ACAP3: variants seen among roughly 807,000 people sequenced by gnomAD.
The protein encoded by ACAP3 is arf-GAP with coiled-coil, ANK repeat and PH domain-containing protein 3.
A neutral mutation model predicts 104.1 loss-of-function variants in ACAP3; 56 were observed. The observed-to-expected ratio is 0.54, with a 90% CI of 0.43 to 0.67. ACAP3 has a LOEUF of 0.67. Ranked by LOEUF, ACAP3 falls within the 30% of genes least tolerant of loss-of-function variation. The probability of loss-of-function intolerance (pLI) is 0.00; values close to 1 mark genes in which losing one functional copy is unlikely to be tolerated. For synonymous variants in ACAP3, 628 were observed against 496.2 expected, an observed-to-expected ratio of 1.27 and a Z score of -3.53; for missense variants, 1,208 against 1,174.9, an observed-to-expected ratio of 1.03 and a Z score of -0.41.
At chr1:1,298,254 C>A (rs950993389) in intron 12 of ACAP3, 116 bp downstream of exon 12, 1 of 1,579,940 alleles carries the variant, frequency 6.3e-7, no homozygotes, top group African/African-American at 1.3e-5. Flanking sequence ...CTGACTGTTC[C>A]GGCTCCGGCG....
chr1:1,295,817 G>C lies in ACAP3; in HGVS notation c.1624C>G (p.His542Asp), dbSNP rs1216759327. 1.2e-6 allele frequency: 2 copies of C among 1,610,592 alleles called. No individual in the cohort carries two copies. The highest frequency in any genetic ancestry group is 1.7e-6 in the Non-Finnish European group (2 of 1,179,894). The part of the protein sequence containing the change: ...RWRVQKCLRP[H>D]SSPRAPTARR... Reference sequence around the variant, plus strand: ...GCAGTGGGAGCGCGGGGAGAGCTGTGGGGCCGCAGGCACTTCTGCACCCTC... The same window carrying C: ...GCAGTGGGAGCGCGGGGAGAGCTGTCGGGCCGCAGGCACTTCTGCACCCTC... The change falls in exon 18 of 24, where the codon CAC (histidine) becomes GAC (aspartate). Residue 542 changes from histidine to aspartate, a missense_variant. His to Asp is a moderately conservative substitution (Grantham distance 81). Coordinates refer to ENST00000354700, the MANE Select transcript of ACAP3 (RefSeq NM_030649.3).
chr1:1,307,243 AC>A lies in ACAP3; in HGVS notation c.47+525del, dbSNP rs369410185. ...CAGACTCGGTGTGCACACAACCCCTACCCCCTACCTGACCTTCCCCGCCGCT... is the reference window on the plus strand; with the variant it reads ...CAGACTCGGTGTGCACACAACCCCTACCCCTACCTGACCTTCCCCGCCGCT... On this transcript the variant is annotated intron_variant, in intron 1 of 23. Coordinates refer to ENST00000354700, the MANE Select transcript of ACAP3 (RefSeq NM_030649.3). 3.4e-4 allele frequency: 435 copies of A among 1,278,346 alleles called. 6 individuals are homozygous for A. The East Asian group carries it at 0.021, about 62-fold the overall frequency. 79.2% of individuals were successfully genotyped at this position (1,278,346 alleles called of 1,614,324 possible).
rs367679762 is a variant in ACAP3, at chr1:1,303,418, G to T, written c.106-137C>A. The T allele has an allele frequency of 1.3e-4, 170 of 1,278,978 alleles. 1 individual carries two copies. Among genetic ancestry groups the T allele is most frequent in the South Asian group, 1.0e-3 (67 of 66,762 alleles). The allele number at this position is 1,278,978 out of a possible 1,614,324, so 79.2% of individuals were successfully genotyped here. A position where few individuals can be genotyped will look rare whatever the true frequency, so the allele number is the denominator to read the frequency against. ...GTTGGCACTCAGGACTCAGTGCCCC[G>T]GTGCAGCTTCCTCACGCCTGGGCCT... is the stretch of plus-strand genomic sequence containing the variant. On this transcript the variant is annotated intron_variant, in intron 2 of 23. Transcript: ENST00000354700. This position sits in a 1 kb window ranked among gnomAD's most constrained non-coding sequence, Gnocchi z 4.0.
intron 1 of ACAP3, chr1:1,307,327 A>G (rs2274262): frequency 0.85 from 1,090,293 of 1,289,368 alleles, 481,714 homozygotes; most frequent in Non-Finnish European, 0.92. Flanking sequence ...CACGTTTCCA[A>G]GCACCCTACC....
intron 10 of ACAP3, chr1:1,298,988 G>C: frequency 1.8e-6 from 1 of 554,268 alleles, no homozygotes; most frequent in Non-Finnish European, 3.2e-6. Flanking sequence ...CCCACCCTCC[G>C]CATCCTGAGT....
chr1:1,299,801 G>A lies in ACAP3; in HGVS notation c.738+30C>T, dbSNP rs753055191. The A allele has an allele frequency of 5.2e-6, 8 of 1,536,604 alleles. No individual in the cohort carries two copies. The South Asian group carries it at 9.6e-5, about 18-fold the overall frequency. On this transcript the variant is annotated intron_variant, in intron 9 of 23. Transcript: ENST00000354700. The stretch of plus-strand genomic sequence containing the variant: ...GACGCAGGGGCCTCCCAGGCGCCTG[G>A]TGTGCAGGGAGCCGGCTGCGCGGCC...
Position 1,294,725 on chromosome 1 carries a change from A to G in ACAP3, c.1905T>C (p.Thr635=). 1.3e-6 allele frequency: 2 copies of G among 1,549,498 alleles called. No homozygotes were observed. The highest frequency in any genetic ancestry group is 1.7e-6 in the Non-Finnish European group (2 of 1,146,590). ...GGGCAAGACGCCACCCACCCTCCTC[A>G]GTGACGCTGTCCACCACAGAGCCCG... ...FGSGSVVDSV[T]EEEGAESEES... Residue 635 remains threonine, a synonymous_variant, in exon 20 of 24, where the codon ACT becomes ACC. Transcript: ENST00000354700.
rs535943865 is a variant in ACAP3, at chr1:1,298,260, C to T, written c.915+110G>A. On this transcript the variant is annotated intron_variant, in intron 12 of 23. Coordinates refer to ENST00000354700, the MANE Select transcript of ACAP3 (RefSeq NM_030649.3). ...CTCTGCTCCCTGACTGTTCCGGCTC[C>T]GGCGTCCACTAGTGCCCCGGCCCTG... 4.5e-5 allele frequency: 72 copies of T among 1,582,746 alleles called. 1 individual carries two copies. In the South Asian group the frequency reaches 5.1e-4, roughly 11 times the overall value.
Position 1,296,741 on chromosome 1 carries a change from G to A in ACAP3, c.1129-108C>T, listed in dbSNP as rs1026311576. The A allele has an allele frequency of 1.8e-5, 22 of 1,210,518 alleles. No individual in the cohort carries two copies. In the East Asian group the frequency reaches 3.6e-4, roughly 20 times the overall value. The allele number at this position is 1,210,518 out of a possible 1,614,324, so 75.0% of individuals were successfully genotyped here. On this transcript the variant is annotated intron_variant, in intron 14 of 23. Coordinates refer to ENST00000354700, the MANE Select transcript of ACAP3 (RefSeq NM_030649.3). ...GAGCCAATGCAGGCCAGGGCCCCTC[G>A]AGCACACGCCCGCACACGCACGTAC... is the stretch of plus-strand genomic sequence containing the variant.
Position 1,303,774 on chromosome 1 carries a change from G to A in ACAP3, c.105+312C>T. On this transcript the variant is annotated intron_variant, in intron 2 of 23. Transcript: ENST00000354700. The surrounding 1 kb of genome is among the most constrained non-coding windows in gnomAD (Gnocchi z 4.0). ...CAGCCCCAGCCCCAGCCACACCAAG[G>A]CTCAGCCCACACAGCAGCTGTCCCC... 2.0e-6 allele frequency: 1 copy of A among 502,868 alleles called. No homozygotes were observed. Among genetic ancestry groups the A allele is most frequent in the Non-Finnish European group, 3.6e-6 (1 of 279,412 alleles). 31.2% of individuals were successfully genotyped at this position (502,868 alleles called of 1,614,324 possible). A position where few individuals can be genotyped will look rare whatever the true frequency, so the allele number is the denominator to read the frequency against.
rs891803680 is a variant in ACAP3, at chr1:1,295,327, G to T, written c.1813+120C>A. The T allele has an allele frequency of 6.2e-5, 54 of 875,704 alleles. No individual in the cohort carries two copies. The African/African-American group carries it at 8.2e-4, about 13-fold the overall frequency. The allele number at this position is 875,704 out of a possible 1,614,324, so 54.2% of individuals were successfully genotyped here. On this transcript the variant is annotated intron_variant, in intron 19 of 23. Transcript: ENST00000354700. Reference sequence around the variant, plus strand: ...TGGCCTCCAGCTGTGTGGCCAGGAGGCCCCCCGCCCCTTCAGATGCTGCTC... The same window carrying T: ...TGGCCTCCAGCTGTGTGGCCAGGAGTCCCCCCGCCCCTTCAGATGCTGCTC...
In ACAP3 at chr1:1,302,048, T is replaced by C. The variant is rs1447099210; in HGVS notation, c.280-2A>G. The C allele has an allele frequency of 1.3e-6, 2 of 1,547,162 alleles. No individual in the cohort carries two copies. The highest frequency in any genetic ancestry group is 1.4e-5 in the African/African-American group (1 of 72,076). ...CCTCTGGGCCTGGTCAAACAGGATC[T>C]GGGGGCAGAGGCGGGCAGAGATCCT... On this transcript the variant is annotated splice_acceptor_variant, in intron 4 of 23. Transcript: ENST00000354700. LOFTEE classifies it high-confidence loss of function.
rs1398176646 is a variant in ACAP3 at position 1,307,886 on chromosome 1, C to T, written c.-71G>A. 2.2e-6 allele frequency: 2 copies of T among 895,428 alleles called. No individual in the cohort carries two copies. Among genetic ancestry groups the T allele is most frequent in the Non-Finnish European group, 2.7e-6 (2 of 748,572 alleles). 55.5% of individuals were successfully genotyped at this position (895,428 alleles called of 1,614,324 possible). ...GAGCGGCAGCCGCGCCGGCCCGGAC[C>T]GCTCGTCCCGCCCGCGCCGCCTCGG... is the stretch of plus-strand genomic sequence containing the variant. On this transcript the variant is annotated 5_prime_UTR_variant, in exon 1 of 24. Transcript: ENST00000354700.
Position 1,298,427 on chromosome 1 carries a change from TGGGTGGGG to T in ACAP3, c.864-14_864-7del. On this transcript the variant is annotated splice_region_variant and splice_polypyrimidine_tract_variant and intron_variant, in intron 11 of 23. Transcript: ENST00000354700. ...TCTGAATGGAGAACCAGCGCCTAGG[TGGGTGGGG>T]GGATGTGGGGAGTCAGGCGGGGCCC... The T allele has an allele frequency of 2.5e-6, 4 of 1,599,598 alleles. No homozygotes were observed. The highest frequency in any genetic ancestry group is 3.4e-6 in the Non-Finnish European group (4 of 1,172,508).
At chr1:1,300,758 C>G in intron 5 of ACAP3, 66 bp from the exon 6 acceptor site, 1 of 1,520,502 alleles carries the variant, frequency 6.6e-7, no homozygotes, top group Non-Finnish European at 8.9e-7. Flanking sequence ...TGGAGTCTCC[C>G]ACATCGTTGT....
chr1:1,295,481 G>C lies in ACAP3; in HGVS notation c.1779C>G (p.Tyr593Ter). ...CPDELDSLFS[Y>*]FDAGAAGAGP... ...CAGCCCCTGCGGCCCCTGCGTCGAAGTAGGAGAAGAGCGAGTCCAGCTCGT... is the reference window on the plus strand; with the variant it reads ...CAGCCCCTGCGGCCCCTGCGTCGAACTAGGAGAAGAGCGAGTCCAGCTCGT... Residue 593 changes from tyrosine (Y) to a stop codon, truncating the protein, a stop_gained, in exon 19 of 24, where the codon TAC (tyrosine) becomes TAG (stop). Coordinates refer to ENST00000354700, the MANE Select transcript of ACAP3 (RefSeq NM_030649.3). LOFTEE classifies it high-confidence loss of function. 1 of 1,612,620 alleles carries C rather than the reference G, an allele frequency of 6.2e-7. No homozygotes were observed.
intron 23 of ACAP3, 33 bp downstream of exon 23, chr1:1,293,790 C>CCCGCCCCTGCCCTGGAGGCT: frequency 6.4e-7 from 1 of 1,550,550 alleles, no homozygotes; most frequent in Non-Finnish European, 8.6e-7. Flanking sequence ...CCCTGGAGGC[C>CCCGCCCCTGCCCTGGAGGCT]CCGCCCAGCC....
In ACAP3 at chr1:1,302,936, C is replaced by G; in HGVS notation, c.265G>C (p.Val89Leu). The change falls in exon 4 of 24, where the codon GTG becomes CTG. Residue 89 changes from valine (V) to leucine (L), a missense_variant. Val to Leu is a conservative substitution (Grantham distance 32). Coordinates refer to ENST00000354700, the MANE Select transcript of ACAP3 (RefSeq NM_030649.3). The part of the protein sequence containing the change: ...QRFADSLQEV[V>L]NYHMILFDQA... ...GCCGCGCTCACCATGTGGTAGTTCA[C>G]CACCTCCTGTAGGCTGTCAGCGAAC... 1 of 1,611,712 alleles carries G rather than the reference C, an allele frequency of 6.2e-7. No individual in the cohort carries two copies. Among genetic ancestry groups the G allele is most frequent in the Non-Finnish European group, 8.5e-7 (1 of 1,179,496 alleles).
In ACAP3 at chr1:1,294,866, G is replaced by A. The variant is rs756795451; in HGVS notation, c.1814-50C>T. 3.1e-5 allele frequency: 47 copies of A among 1,530,224 alleles called. 2 individuals carry two copies. The South Asian group carries it at 4.4e-4, about 14-fold the overall frequency. The allele number at this position is 1,530,224 out of a possible 1,614,324, so 94.8% of individuals were successfully genotyped here. On this transcript the variant is annotated intron_variant, in intron 19 of 23. Coordinates refer to ENST00000354700, the MANE Select transcript of ACAP3 (RefSeq NM_030649.3). ...CCTGAGGGTGGGAGGCCCAGACTCC[G>A]TCCAGAGCCCTGGGGCAAGGCTGGA...
Sources: gnomAD v4.1 joint callset for allele counts on GRCh38, gnomAD v4.1.1 for gene constraint, Gnocchi (gnomAD v3.1) non-coding constraint, MANE v1.5 for transcripts, NCBI Gene and HGNC (gene_info 2026-07-23, HGNC 2026-07-21) for gene names.